Variants in LRRTM4 observed in about 807,000 individuals in gnomAD.
LRRTM4 encodes the protein leucine-rich repeat transmembrane neuronal protein 4.
In LRRTM4, 25 loss-of-function variants were observed where a neutral mutation model predicts 47.6. That is an observed-to-expected ratio of 0.53 (90% CI 0.38 to 0.73). The LOEUF (loss-of-function observed/expected upper bound fraction) is 0.73, where lower values mean the gene tolerates loss of function less well. LRRTM4 is among the 30% of genes least tolerant of loss of function. The probability of loss-of-function intolerance (pLI) is 0.00; values close to 1 mark genes in which losing one functional copy is unlikely to be tolerated. For synonymous variants in LRRTM4, 311 were observed against 269.5 expected, an observed-to-expected ratio of 1.15 and a Z score of -1.51; for missense variants, 638 against 713.4, an observed-to-expected ratio of 0.89 and a Z score of 1.20.
intron 3 of LRRTM4, among the ~76,000 whole-genome samples, chr2:77,077,322 G>T (rs573240740): frequency 1.3e-5 from 2 of 152,088 alleles, no homozygotes; most frequent in Admixed American, 6.5e-5. Context: ...TGAGATGGGG[G>T]CAACTTGGTC....
At chr2:77,437,811 C>T (rs1030470290) in intron 3 of LRRTM4, among the ~76,000 whole-genome samples, 1 of 151,908 alleles carries the variant, frequency 6.6e-6, no homozygotes, top group Non-Finnish European at 1.5e-5. Context: ...TAAATAAAGA[C>T]CTATTTGCTG....
At chr2:77,335,105 T>C (rs1044048183) in intron 3 of LRRTM4, among the ~76,000 whole-genome samples, 1 of 152,196 alleles carries the variant, frequency 6.6e-6, no homozygotes, top group Non-Finnish European at 1.5e-5. Flanking sequence ...GCAACTAGCT[T>C]ATATTAATTT....
At chr2:76,978,748 G>A (rs1369524653) in intron 3 of LRRTM4, among the ~76,000 whole-genome samples, 1 of 152,038 alleles carries the variant, frequency 6.6e-6, no homozygotes, top group Non-Finnish European at 1.5e-5. Context: ...TGGCTTGCAT[G>A]AGAACTTCTT....
At chr2:77,067,511 C>G (rs1036716155) in intron 3 of LRRTM4, among the ~76,000 whole-genome samples, 1 of 151,698 alleles carries the variant, frequency 6.6e-6, no homozygotes, top group Non-Finnish European at 1.5e-5. Context: ...GTAGATACAA[C>G]TAACAAATTT....
At chr2:76,840,285 A>G (rs2103929026) in intron 3 of LRRTM4, among the ~76,000 whole-genome samples, 1 of 152,358 alleles carries the variant, frequency 6.6e-6, no homozygotes, top group South Asian at 2.1e-4. Context: ...TTCTGAAGGA[A>G]GTTTCAAATG....
chr2:76,921,673 A>G (rs1471242001), intron 3 of LRRTM4, among the ~76,000 whole-genome samples: 1 of 152,130 alleles, frequency 6.6e-6, no homozygotes, highest in South Asian at 2.1e-4. Context: ...TTGCTGCTCA[A>G]GTTGTTTCAG....
chr2:76,965,362 T>C (rs796614072), intron 3 of LRRTM4, among the ~76,000 whole-genome samples: 1 of 151,408 alleles, frequency 6.6e-6, no homozygotes, highest in South Asian at 2.1e-4. Flanking sequence ...CATCATCAAG[T>C]AGGATTTATT....
intron 3 of LRRTM4, among the ~76,000 whole-genome samples, chr2:76,781,103 T>A (rs1010649311): frequency 3.0e-4 from 45 of 152,250 alleles, no homozygotes; most frequent in Non-Finnish European, 5.1e-4. Context: ...GGAGGCAGTC[T>A]GCCCATTCTC....
intron 3 of LRRTM4, among the ~76,000 whole-genome samples, chr2:77,310,752 T>C (rs1677429180): frequency 6.6e-6 from 1 of 152,156 alleles, no homozygotes; most frequent in African/African-American, 2.4e-5. Flanking sequence ...CTACAAGCAA[T>C]GTGTCAATAC....
chr2:77,459,105 T>C (rs1168576705), intron 3 of LRRTM4, among the ~76,000 whole-genome samples: 1 of 152,156 alleles, frequency 6.6e-6, no homozygotes, highest in Non-Finnish European at 1.5e-5. Flanking sequence ...ACATTCATTT[T>C]TGTCCAAAAT....
chr2:76,782,402 C>T (rs1383383563), intron 3 of LRRTM4, among the ~76,000 whole-genome samples: 1 of 152,046 alleles, frequency 6.6e-6, no homozygotes, highest in Non-Finnish European at 1.5e-5. Context: ...ACTAGTGGTG[C>T]TTTCTTTGGG....
In LRRTM4 at chr2:77,352,165, G is replaced by A. The variant is rs183568700; in HGVS notation, c.1551+166153C>T. ...TTAGCATTCATAAGAAGCTGTTCTC[G>A]CCTTTTGATGCCGAGCCTAACCTTC... On this transcript the variant is annotated intron_variant, in intron 3 of 3. Transcript: ENST00000409884. Among the ~76,000 whole-genome samples the A allele has an allele frequency of 3.0e-4, 45 of 152,100 alleles. No individual in the cohort carries two copies. In the East Asian group the frequency reaches 6.0e-3, roughly 20 times the overall value.
intron 3 of LRRTM4, among the ~76,000 whole-genome samples, chr2:77,163,585 G>A (rs545642426): frequency 1.1e-4 from 17 of 152,138 alleles, no homozygotes; most frequent in Admixed American, 1.0e-3. Context: ...AAAAAGTTTG[G>A]GTTACCCATA....
At chr2:77,298,928 C>CAATATCAATATTTACAAA (rs1677046893) in intron 3 of LRRTM4, among the ~76,000 whole-genome samples, 1 of 152,040 alleles carries the variant, frequency 6.6e-6, no homozygotes, top group Non-Finnish European at 1.5e-5. Context: ...CAAATATTTA[C>CAATATCAATATTTACAAA]TATTGATCAA....
chr2:77,462,032 C>CT (rs1054504718), intron 3 of LRRTM4, among the ~76,000 whole-genome samples: 2 of 152,048 alleles, frequency 1.3e-5, no homozygotes, highest in Non-Finnish European at 2.9e-5. Flanking sequence ...ACTGAAGAGT[C>CT]TTTTTTTATC....
intron 3 of LRRTM4, among the ~76,000 whole-genome samples, chr2:76,837,732 T>C (rs948095154): frequency 4.5e-4 from 68 of 152,242 alleles, no homozygotes; most frequent in African/African-American, 1.6e-3. Flanking sequence ...GTGGCACATA[T>C]ACACCATGGA....
intron 3 of LRRTM4, among the ~76,000 whole-genome samples, chr2:77,152,519 G>A (rs537739701): frequency 2.2e-4 from 34 of 151,968 alleles, no homozygotes; most frequent in South Asian, 8.3e-4. Context: ...TAGTACAGAC[G>A]GGGTTTCACC....
At chr2:76,807,945 CTTTCTTTCT>C (rs1670592618) in intron 3 of LRRTM4, among the ~76,000 whole-genome samples, 2 of 131,688 alleles carry the variant, frequency 1.5e-5, no homozygotes, top group African/African-American at 3.1e-5. Context: ...TTCTTTCTTT[CTTTCTTTCT>C]TTTTCTTTTT....
chr2:77,020,930 T>A (rs1328596540), intron 3 of LRRTM4, among the ~76,000 whole-genome samples: 1 of 152,180 alleles, frequency 6.6e-6, no homozygotes, highest in African/African-American at 2.4e-5. Flanking sequence ...GGTGATTGAC[T>A]TCGAAGTTTC....
Sources: gnomAD v4.1 joint callset for allele counts (sites outside exome capture counted in the v4.1 genomes callset) on GRCh38, gnomAD v4.1.1 for gene constraint, MANE v1.5 for transcripts, NCBI Gene and HGNC (gene_info 2026-07-23, HGNC 2026-07-21) for gene names.